Variants in FAT1 observed in about 807,000 individuals in gnomAD.
FAT1 encodes the protein FAT atypical cadherin 1.
A neutral mutation model predicts 329.8 loss-of-function variants in FAT1; 171 were observed. The ratio of observed to expected loss-of-function variants is 0.52; its 90% CI spans 0.46 to 0.59. The LOEUF is 0.59. Ranked by LOEUF, FAT1 falls within the 20% of genes least tolerant of loss-of-function variation. The pLI is 0.00. For missense variants in FAT1, 5,672 were observed against 5,774.4 expected (o/e 0.98, Z 0.57); for synonymous variants, 2,233 against 2,228.6 (o/e 1.00, Z -0.06).
chr4:186,612,129 T>TTA (rs1553988307), intron 13 of FAT1, among the ~76,000 whole-genome samples: 32 of 149,714 alleles, frequency 2.1e-4, no homozygotes, highest in South Asian at 6.3e-4. Context: ...TTTTTTTTTT[T>TTA]AAAAACCAAA....
At position 186,715,372 on chromosome 4, in the gene FAT1, A is replaced by C. The variant is rs554834820; in HGVS notation, c.-18-5527T>G. Among the ~76,000 whole-genome samples, 5 of 152,296 alleles carry C rather than the reference A, an allele frequency of 3.3e-5. No individual in the cohort carries two copies. The South Asian group carries it at 1.0e-3, about 32-fold the overall frequency. On this transcript the variant is annotated intron_variant, in intron 1 of 26. Transcript: ENST00000441802. The stretch of plus-strand genomic sequence containing the variant: ...GGACGGACTTGTGGACCACATTCCT[A>C]ACTGAAATCTTTGAAAAACCTGAAT...
rs773398175 is a variant in FAT1 at position 186,709,338 on chromosome 4, T to A, written c.490A>T (p.Ile164Leu). The A allele has an allele frequency of 6.2e-7, 1 of 1,614,008 alleles. No individual in the cohort carries two copies. The highest frequency in any genetic ancestry group is 8.5e-7 in the Non-Finnish European group (1 of 1,179,882). Residue 164 changes from isoleucine to leucine, a missense_variant, in exon 2 of 27, where the codon ATA becomes TTA. Ile to Leu is a conservative substitution (Grantham distance 5). Around this residue, in one of 2 missense-constraint regions of FAT1, gnomAD observed 3,966 missense variants for 3,915.2 expected, o/e 1.01. Coordinates refer to ENST00000441802, the MANE Select transcript of FAT1 (RefSeq NM_005245.4). ...YSVSLPENTA[I>L]RTSIARVSAT... ...CTGACTCTTGCGATACTGGTCCTTA[T>A]AGCTGTGTTTTCAGGTAAAGAAACG...
intron 26 of FAT1, among the ~76,000 whole-genome samples, chr4:186,593,034 A>G (rs1407004415): frequency 6.6e-6 from 1 of 152,176 alleles, no homozygotes; most frequent in African/African-American, 2.4e-5. Flanking sequence ...ATTTTTTCAC[A>G]ATTACAATTA....
intron 17 of FAT1, among the ~76,000 whole-genome samples, chr4:186,604,981 G>A (rs992342914): frequency 6.6e-6 from 1 of 151,944 alleles, no homozygotes; most frequent in Non-Finnish European, 1.5e-5. Flanking sequence ...CACTTTGGGA[G>A]GCTGAGGCGG....
chr4:186,590,314 C>T lies in FAT1; in HGVS notation c.13139-1094G>A. Reference sequence around the variant, plus strand: ...GTAGTCAGTCAGCACTGGGGCAAGGCTTGACCCATTGTTTTTAGTGAGTAT... The same window carrying T: ...GTAGTCAGTCAGCACTGGGGCAAGGTTTGACCCATTGTTTTTAGTGAGTAT... On this transcript the variant is annotated intron_variant, in intron 26 of 26. Coordinates refer to ENST00000441802, the MANE Select transcript of FAT1 (RefSeq NM_005245.4). 4 of 1,199,154 alleles carry T rather than the reference C, an allele frequency of 3.3e-6. No individual in the cohort carries two copies. The South Asian group carries it at 5.0e-5, about 15-fold the overall frequency. The allele number at this position is 1,199,154 out of a possible 1,614,324, so 74.3% of individuals were successfully genotyped here.
intron 3 of FAT1, among the ~76,000 whole-genome samples, chr4:186,645,366 CATAT>C (rs70964973): frequency 1.9e-3 from 66 of 35,356 alleles, no homozygotes; most frequent in Admixed American, 3.1e-3. Flanking sequence ...TACTTCATTA[CATAT>C]ATATATATAT....
chr4:186,646,007 G>A (rs559870703), intron 3 of FAT1, among the ~76,000 whole-genome samples: 11 of 79,846 alleles, frequency 1.4e-4, no homozygotes, highest in African/African-American at 3.8e-4. Context: ...ACACACACAT[G>A]AAAGATGGCA....
chr4:186,596,487 CCTCA>C lies in FAT1; in HGVS notation c.13000+49_13000+52del. 2 of 1,551,390 alleles carry C rather than the reference CCTCA, an allele frequency of 1.3e-6. No individual in the cohort carries two copies. The highest frequency in any genetic ancestry group is 1.2e-5 in the South Asian group (1 of 80,688). On this transcript the variant is annotated intron_variant, in intron 25 of 26. Transcript: ENST00000441802. This position sits in a 1 kb window ranked among gnomAD's most constrained non-coding sequence, Gnocchi z 4.7. ...CATTTTGACTGGACAGAATTTGTAACCTCACTGTTTATCTCAAGTGACACTTTAG... is the reference window on the plus strand; with the variant it reads ...CATTTTGACTGGACAGAATTTGTAACCTGTTTATCTCAAGTGACACTTTAG...
At chr4:186,656,404 A>T (rs1741906569) in intron 3 of FAT1, among the ~76,000 whole-genome samples, 1 of 152,256 alleles carries the variant, frequency 6.6e-6, no homozygotes, top group Non-Finnish European at 1.5e-5. Context: ...TAATATACTA[A>T]GGAAGGGAAC....
chr4:186,661,799 G>A (rs948554056), intron 3 of FAT1, among the ~76,000 whole-genome samples: 2 of 152,124 alleles, frequency 1.3e-5, no homozygotes, highest in East Asian at 3.9e-4. Context: ...GGAGGCCTGG[G>A]CTTGAAGAGA....
chr4:186,632,181 C>T (rs1212520888), intron 7 of FAT1, among the ~76,000 whole-genome samples: 1 of 152,138 alleles, frequency 6.6e-6, no homozygotes, highest in Non-Finnish European at 1.5e-5. Flanking sequence ...TTAGTTGGTG[C>T]ACGTGATATT....
rs369044055 is a variant in FAT1 at position 186,620,793 on chromosome 4, G to C, written c.5793C>G (p.Tyr1931Ter). 2 of 1,614,048 alleles carry C rather than the reference G, an allele frequency of 1.2e-6. No homozygotes were observed. The highest frequency in any genetic ancestry group is 8.5e-7 in the Non-Finnish European group (1 of 1,179,902). Residue 1931 changes from tyrosine (Y) to a stop codon, truncating the protein, a stop_gained, in exon 10 of 27, where the codon TAC becomes TAG. Coordinates refer to ENST00000441802, the MANE Select transcript of FAT1 (RefSeq NM_005245.4). LOFTEE classifies it high-confidence loss of function. ...GNIGEKFSMD[Y>*]KTGALTVQNT... is the part of the protein sequence containing the mutation. Reference sequence around the variant, plus strand: ...TTTGGACAGTGAGAGCACCAGTCTTGTAGTCCATAGAAAACTTCTCCCCGA... The same window carrying C: ...TTTGGACAGTGAGAGCACCAGTCTTCTAGTCCATAGAAAACTTCTCCCCGA...
intron 3 of FAT1, among the ~76,000 whole-genome samples, chr4:186,644,605 T>C (rs751482407): frequency 6.6e-6 from 1 of 152,220 alleles, no homozygotes; most frequent in Non-Finnish European, 1.5e-5. Flanking sequence ...AAACCACTCA[T>C]GGCCTTTCAA....
intron 20 of FAT1, chr4:186,601,792 A>C (rs1738830414): frequency 6.1e-6 from 1 of 164,264 alleles, no homozygotes; most frequent in South Asian, 1.9e-4. Flanking sequence ...CCATTCCCCA[A>C]AGAAGATGCA....
At chr4:186,676,716 T>A (rs761314184) in intron 2 of FAT1, among the ~76,000 whole-genome samples, 1 of 152,222 alleles carries the variant, frequency 6.6e-6, no homozygotes, top group African/African-American at 2.4e-5. Flanking sequence ...AAGCACTACA[T>A]TGGTCTCTGT....
At chr4:186,613,413 C>T in intron 12 of FAT1, 71 bp from the exon 13 acceptor site, 4 of 1,175,966 alleles carry the variant, frequency 3.4e-6, no homozygotes, top group Non-Finnish European at 5.1e-6. Context: ...TTATTTCCTC[C>T]CCTTTTGTCT....
At chr4:186,606,593 C>T (rs1299662555) in intron 16 of FAT1, among the ~76,000 whole-genome samples, 1 of 152,128 alleles carries the variant, frequency 6.6e-6, no homozygotes, top group Non-Finnish European at 1.5e-5. Context: ...CCTTAGGGCC[C>T]CAAGTTTGCT....
chr4:186,694,384 C>A (rs181752893), intron 2 of FAT1, among the ~76,000 whole-genome samples: 25 of 152,306 alleles, frequency 1.6e-4, no homozygotes, highest in Non-Finnish European at 3.2e-4. Context: ...ATGAAGTTAA[C>A]TGAACTAGCT....
intron 16 of FAT1, among the ~76,000 whole-genome samples, chr4:186,607,542 G>A (rs1371258983): frequency 6.6e-6 from 1 of 152,076 alleles, no homozygotes; most frequent in Non-Finnish European, 1.5e-5. Context: ...TAGGTGGATG[G>A]ATGGATAACT....
Sources: gnomAD v4.1 joint callset for allele counts (sites outside exome capture counted in the v4.1 genomes callset) on GRCh38, gnomAD v4.1.1 for gene constraint, gnomAD v4.1.1 regional missense constraint, Gnocchi (gnomAD v3.1) non-coding constraint, MANE v1.5 for transcripts, NCBI Gene and HGNC (gene_info 2026-07-23, HGNC 2026-07-21) for gene names.